ITIH1: variants seen among roughly 807,000 people sequenced by gnomAD.
The protein encoded by ITIH1 is inter-alpha-trypsin inhibitor heavy chain 1.
ITIH1 carries 94 observed loss-of-function variants against 104.6 expected under a neutral mutation model. That is an observed-to-expected ratio of 0.90 (90% confidence interval 0.76 to 1.07). The LOEUF is 1.07. Among genes scored for constraint, ITIH1 ranks in the 50% least tolerant of loss-of-function variants. The pLI, the probability that ITIH1 is intolerant of heterozygous loss-of-function variation, is 0.00. For synonymous variants in ITIH1, 455 were observed against 464.4 expected, an observed-to-expected ratio of 0.98 and a Z score of 0.26; for missense variants, 1,193 against 1,181.4, an observed-to-expected ratio of 1.01 and a Z score of -0.14.
intron 13 of ITIH1, among the ~76,000 whole-genome samples, chr3:52,786,742 A>G (rs1305505060): frequency 6.6e-6 from 1 of 152,088 alleles, no homozygotes; most frequent in Non-Finnish European, 1.5e-5. Flanking sequence ...AACCCCACCG[A>G]ATCTCCAAGT....
chr3:52,786,303 A>G lies in ITIH1; in HGVS notation c.1602A>G (p.Gln534=). The part of the protein sequence containing the change: ...KADVQAHGEG[Q]EFSITCLVDE... The stretch of plus-strand genomic sequence containing the variant: ...TGTACCTCAACTCTCAGGAGGGACA[A>G]GAATTCAGTATAACCTGCCTAGTGG... Residue 534 remains glutamine (Q), a synonymous_variant, in exon 13 of 22, where the codon CAA becomes CAG. Transcript: ENST00000273283. 6.4e-7 allele frequency: 1 copy of G among 1,569,380 alleles called. No individual in the cohort carries two copies. The highest frequency in any genetic ancestry group is 1.2e-5 in the South Asian group (1 of 85,324).
Position 52,784,402 on chromosome 3 carries a change from G to A in ITIH1, c.1332G>A (p.Leu444=). 2.5e-6 allele frequency: 4 copies of A among 1,614,022 alleles called. No homozygotes were observed. Among genetic ancestry groups the A allele is most frequent in the African/African-American group, 1.3e-5 (1 of 74,900 alleles). Reference sequence around the variant, plus strand: ...GCCACAATGTGGACTTTAACTTTCTGGAGGTCATGTCCATGGAGAACAACG... The same window carrying A: ...GCCACAATGTGGACTTTAACTTTCTAGAGGTCATGTCCATGGAGAACAACG... ...GFGHNVDFNF[L]EVMSMENNGR... The change falls in exon 11 of 22, where the codon CTG becomes CTA. Residue 444 remains leucine (L), a synonymous_variant. Coordinates refer to ENST00000273283, the MANE Select transcript of ITIH1 (RefSeq NM_002215.4).
At chr3:52,780,223 G>A in intron 5 of ITIH1, 46 bp from the exon 6 acceptor site, 1 of 1,462,314 alleles carries the variant, frequency 6.8e-7, no homozygotes, top group Non-Finnish European at 9.4e-7. Flanking sequence ...AACAAAGCAA[G>A]ATCCCATCTT....
intron 20 of ITIH1, among the ~76,000 whole-genome samples, 166 bp downstream of exon 20, chr3:52,791,087 G>A (rs1466509018): frequency 6.6e-6 from 1 of 152,210 alleles, no homozygotes; most frequent in African/African-American, 2.4e-5. Context: ...TGGTGAGGCT[G>A]TGAGCAAACA....
intron 20 of ITIH1, among the ~76,000 whole-genome samples, 199 bp downstream of exon 20, chr3:52,791,120 C>T (rs1699346350): frequency 6.6e-6 from 1 of 152,106 alleles, no homozygotes; most frequent in African/African-American, 2.4e-5. Flanking sequence ...AACGCTTAAG[C>T]GAGCCTGGGA....
chr3:52,791,313 G>A (rs1016771121), intron 20 of ITIH1, among the ~76,000 whole-genome samples: 9 of 152,058 alleles, frequency 5.9e-5, no homozygotes, highest in African/African-American at 2.2e-4. Flanking sequence ...AAGACAGGAG[G>A]TAGGACCACC....
Position 52,783,210 on chromosome 3 carries a change from G to A in ITIH1, c.1100-4G>A, listed in dbSNP as rs1449957473. On this transcript the variant is annotated splice_region_variant and splice_polypyrimidine_tract_variant and intron_variant, in intron 9 of 21. Coordinates refer to ENST00000273283, the MANE Select transcript of ITIH1 (RefSeq NM_002215.4). Reference sequence around the variant, plus strand: ...TACACTGGTCTGCTTTCTCTTCCTTGCAGCCACAAACCTGAATGGAGGTTT... The same window carrying A: ...TACACTGGTCTGCTTTCTCTTCCTTACAGCCACAAACCTGAATGGAGGTTT... 2 of 1,613,942 alleles carry A rather than the reference G, an allele frequency of 1.2e-6. No individual in the cohort carries two copies. Among genetic ancestry groups the A allele is most frequent in the African/African-American group, 1.3e-5 (1 of 74,868 alleles).
rs963772305 is a variant in ITIH1 at position 52,791,864 on chromosome 3, C to T, written c.2689C>T (p.Leu897Phe). 3.1e-6 allele frequency: 5 copies of T among 1,614,092 alleles called. No individual in the cohort carries two copies. The highest frequency in any genetic ancestry group is 2.2e-5 in the East Asian group (1 of 44,898). ...GTTCATTCACAACAATGGGGCTGGA[C>T]TCATCGATGGTGCCTACACTGATTA... ...CWFIHNNGAG[L>F]IDGAYTDYIV... Residue 897 changes from leucine to phenylalanine, a missense_variant, in exon 22 of 22, where the codon CTC becomes TTC. Physicochemically the swap from Leu to Phe is conservative, Grantham distance 22. Coordinates refer to ENST00000273283, the MANE Select transcript of ITIH1 (RefSeq NM_002215.4).
chr3:52,786,903 G>A (rs760957600), intron 13 of ITIH1, 42 bp from the exon 14 acceptor site: 122 of 1,570,960 alleles, frequency 7.8e-5, no homozygotes, highest in South Asian at 4.1e-4. Context: ...GATGAGGGCC[G>A]TGCAAGTCGG....
rs748809908 is a variant in ITIH1 at position 52,787,972 on chromosome 3, C to G, written c.1925-14C>G. ...GGCTGCCCCGCTTCTAAATGCCACT[C>G]CCCCTCCCATCAGCGTTCGTGCTGT... On this transcript the variant is annotated splice_polypyrimidine_tract_variant and intron_variant, in intron 16 of 21. Transcript: ENST00000273283. 9.4e-6 allele frequency: 15 copies of G among 1,590,376 alleles called. No homozygotes were observed. The Admixed American group carries it at 1.2e-4, about 13-fold the overall frequency.
chr3:52,782,719 T>C (rs1699095256), intron 8 of ITIH1, among the ~76,000 whole-genome samples: 1 of 152,148 alleles, frequency 6.6e-6, no homozygotes, highest in South Asian at 2.1e-4. Context: ...CTCTTAATCC[T>C]GCCCCTCCCG....
Position 52,783,224 on chromosome 3 carries a change from G to T in ITIH1, c.1110G>T (p.Leu370=), listed in dbSNP as rs1417977225. The part of the protein sequence containing the change: ...RGFSLDEATN[L]NGGLLRGIEI... ...TTCTCTTCCTTGCAGCCACAAACCT[G>T]AATGGAGGTTTGCTCCGGGGAATTG... The change falls in exon 10 of 22, where the codon CTG becomes CTT. Residue 370 remains leucine (L), a synonymous_variant. Coordinates refer to ENST00000273283, the MANE Select transcript of ITIH1 (RefSeq NM_002215.4). The T allele has an allele frequency of 1.2e-6, 2 of 1,614,032 alleles. No individual in the cohort carries two copies. Among genetic ancestry groups the T allele is most frequent in the Non-Finnish European group, 1.7e-6 (2 of 1,180,028 alleles).
intron 11 of ITIH1, 135 bp from the exon 12 acceptor site, chr3:52,784,909 A>T: frequency 1.3e-6 from 1 of 789,214 alleles, no homozygotes; most frequent in East Asian, 2.6e-5. Flanking sequence ...CATGACCTCG[A>T]GCCAGCTACT....
At position 52,790,106 on chromosome 3, in the gene ITIH1, CCAAA is replaced by C. The variant is rs1699313452; in HGVS notation, c.2321+257_2321+260del. Reference sequence around the variant, plus strand: ...GCTCTGAATGCCACCCCTGTCTCTACCAAACAAAGCCAGCTCATCCTCCCAGGCC... The same window carrying C: ...GCTCTGAATGCCACCCCTGTCTCTACCAAAGCCAGCTCATCCTCCCAGGCC... On this transcript the variant is annotated intron_variant, in intron 19 of 21. Coordinates refer to ENST00000273283, the MANE Select transcript of ITIH1 (RefSeq NM_002215.4). The C allele has an allele frequency of 9.2e-6, 5 of 541,298 alleles. No homozygotes were observed. In the Admixed American group the frequency reaches 1.6e-4, roughly 17 times the overall value. The allele number at this position is 541,298 out of a possible 1,614,324, so 33.5% of individuals were successfully genotyped here. A position where few individuals can be genotyped will look rare whatever the true frequency, so the allele number is the denominator to read the frequency against.
chr3:52,780,084 CTGAGACTTGGT>C, intron 5 of ITIH1, 174 bp from the exon 6 acceptor site: 1 of 1,001,386 alleles, frequency 1.0e-6, no homozygotes, highest in Non-Finnish European at 1.4e-6. Context: ...TGGCTCTTGG[CTGAGACTTGGT>C]GAGTGGGAGC....
In ITIH1 at chr3:52,785,145, C is replaced by T. The variant is rs1168556852; in HGVS notation, c.1509C>T (p.Tyr503=). The change falls in exon 12 of 22, where the codon TAC becomes TAT. Residue 503 remains tyrosine, a synonymous_variant. Transcript: ENST00000273283. ...TGACCCAGAACCACCATAAACAGTA[C>T]TACGAAGGCTCAGAGATTGTGGTGG... is the stretch of plus-strand genomic sequence containing the variant. ...LALTQNHHKQ[Y]YEGSEIVVAG... The T allele has an allele frequency of 6.2e-7, 1 of 1,614,136 alleles. No homozygotes were observed. Among genetic ancestry groups the T allele is most frequent in the Non-Finnish European group, 8.5e-7 (1 of 1,180,008 alleles).
Position 52,778,487 on chromosome 3 carries a change from T to G in ITIH1, c.286T>G (p.Phe96Val), listed in dbSNP as rs868112474. The G allele has an allele frequency of 1.2e-6, 2 of 1,614,218 alleles. No homozygotes were observed. The highest frequency in any genetic ancestry group is 1.3e-5 in the African/African-American group (1 of 75,056). ...CGACCTGGAAATCCCCAAGACAGCA[T>G]TCATCAGTGACTTTGCCGTGTGCGT... ...AFDLEIPKTA[F>V]ISDFAVTADG... Residue 96 changes from phenylalanine (F) to valine (V), a missense_variant, in exon 3 of 22, where the codon TTC becomes GTC. Phe to Val is a conservative substitution (Grantham distance 50). Transcript: ENST00000273283.
At chr3:52,778,201 C>A in intron 2 of ITIH1, 139 bp from the exon 3 acceptor site, 1 of 1,100,706 alleles carries the variant, frequency 9.1e-7, no homozygotes, top group Non-Finnish European at 1.4e-6. Flanking sequence ...AGCCAGAGAG[C>A]AGGGGTCTTC....
chr3:52,785,153 G>T lies in ITIH1; in HGVS notation c.1517G>T (p.Gly506Val). The change falls in exon 12 of 22, where the codon GGC becomes GTC. Residue 506 changes from glycine (G) to valine (V), a missense_variant. Physicochemically the swap from Gly to Val is moderately radical, Grantham distance 109. Transcript: ENST00000273283. ...AACCACCATAAACAGTACTACGAAG[G>T]CTCAGAGATTGTGGTGGCCGGGCGC... ...TQNHHKQYYEGSEIVVAGRIA... is the reference protein window; with the variant it reads ...TQNHHKQYYEVSEIVVAGRIA... 1 of 1,614,092 alleles carries T rather than the reference G, an allele frequency of 6.2e-7. No homozygotes were observed. Among genetic ancestry groups the T allele is most frequent in the Non-Finnish European group, 8.5e-7 (1 of 1,180,002 alleles).
Sources: gnomAD v4.1 joint callset for allele counts (sites outside exome capture counted in the v4.1 genomes callset) on GRCh38, gnomAD v4.1.1 for gene constraint, MANE v1.5 for transcripts, NCBI Gene and HGNC (gene_info 2026-07-23, HGNC 2026-07-21) for gene names.